TNFSF4: variants seen among roughly 807,000 people sequenced by gnomAD.
The protein encoded by TNFSF4 is tumor necrosis factor ligand superfamily member 4.
Under a neutral mutation model 7.3 loss-of-function variants are expected in TNFSF4, and 4 were observed. The observed-to-expected ratio is 0.55, with a 90% CI of 0.27 to 1.25. The LOEUF (loss-of-function observed/expected upper bound fraction) is 1.25, where lower values mean the gene tolerates loss of function less well. Ranked by LOEUF, TNFSF4 falls within the 50% of genes most tolerant of loss-of-function variation. The pLI, the probability that TNFSF4 is intolerant of heterozygous loss-of-function variation, is 0.12. For synonymous variants in TNFSF4, 76 were observed against 83.7 expected, an observed-to-expected ratio of 0.91 and a Z score of 0.50; for missense variants, 181 against 208.8, an observed-to-expected ratio of 0.87 and a Z score of 0.82.
At chr1:173,250,039 A>G in the TNFSF4 span, among the ~76,000 whole-genome samples, 1 of 152,206 alleles carries the variant, frequency 6.6e-6, no homozygotes, top group African/African-American at 2.4e-5. Flanking sequence ...AAAGTTCCTG[A>G]ACCTCTTAAA....
At chr1:173,302,060 G>A in the TNFSF4 span, among the ~76,000 whole-genome samples, 4 of 151,738 alleles carry the variant, frequency 2.6e-5, no homozygotes, top group Admixed American at 1.3e-4. Context: ...CTTTTTAAAC[G>A]GCCTTTAATA....
chr1:173,391,499 C>T, the TNFSF4 span, among the ~76,000 whole-genome samples: 1 of 144,520 alleles, frequency 6.9e-6, no homozygotes, highest in Non-Finnish European at 1.5e-5. Flanking sequence ...CCTATATTCT[C>T]AAGACTAGTT....
At chr1:173,439,119 T>A in the TNFSF4 span, among the ~76,000 whole-genome samples, 1 of 152,194 alleles carries the variant, frequency 6.6e-6, no homozygotes, top group Non-Finnish European at 1.5e-5. Flanking sequence ...GCAGATCCAG[T>A]CCTGGAGGAG....
the TNFSF4 span, among the ~76,000 whole-genome samples, chr1:173,446,457 T>C: frequency 6.6e-6 from 1 of 152,198 alleles, no homozygotes; most frequent in Non-Finnish European, 1.5e-5. Context: ...AGTAAGTGAA[T>C]GAATAAATAA....
the TNFSF4 span, among the ~76,000 whole-genome samples, chr1:173,421,673 T>TG: frequency 3.1e-3 from 475 of 151,726 alleles, 1 homozygote; most frequent in African/African-American, 0.011. Flanking sequence ...TTATCGTTTC[T>TG]GGAAAAAAAA....
the TNFSF4 span, among the ~76,000 whole-genome samples, chr1:173,232,142 G>A: frequency 3.9e-5 from 6 of 152,098 alleles, 1 homozygote; most frequent in East Asian, 7.7e-4. Flanking sequence ...CTTTTACTTC[G>A]TTGAGCAGTG....
chr1:173,224,874 C>T, the TNFSF4 span, among the ~76,000 whole-genome samples: 2 of 152,212 alleles, frequency 1.3e-5, no homozygotes, highest in Non-Finnish European at 2.9e-5. Context: ...CCTGTCCTCC[C>T]TCCACCTAGA....
At chr1:173,215,050 A>G in the TNFSF4 span, among the ~76,000 whole-genome samples, 1 of 152,054 alleles carries the variant, frequency 6.6e-6, no homozygotes, top group Non-Finnish European at 1.5e-5. Context: ...GTATTTGGAG[A>G]TGGAGCCTTT....
At chr1:173,183,268 A>AAAGCTGGG (rs1241214715), downstream of TNFSF4, among the ~76,000 whole-genome samples, 1 of 152,134 alleles carries the variant, frequency 6.6e-6, no homozygotes, top group Non-Finnish European at 1.5e-5. Flanking sequence ...TGAGGTCAAA[A>AAAGCTGGG]AAGCTGGGGA....
the TNFSF4 span, among the ~76,000 whole-genome samples, chr1:173,316,970 G>A: frequency 6.6e-6 from 1 of 152,124 alleles, no homozygotes; most frequent in African/African-American, 2.4e-5. Flanking sequence ...CTCATTGACA[G>A]TCCCATCTCT....
chr1:173,395,508 A>G, the TNFSF4 span, among the ~76,000 whole-genome samples: 13 of 149,058 alleles, frequency 8.7e-5, no homozygotes, highest in African/African-American at 3.2e-4. Context: ...AAAATGGTGT[A>G]AGAAAAGGAT....
At chr1:173,236,521 A>G in the TNFSF4 span, among the ~76,000 whole-genome samples, 2 of 152,010 alleles carry the variant, frequency 1.3e-5, no homozygotes, top group African/African-American at 2.4e-5. Context: ...GTATACCCCC[A>G]TGTTTATTGT....
chr1:173,354,523 C>T, the TNFSF4 span, among the ~76,000 whole-genome samples: 1 of 152,216 alleles, frequency 6.6e-6, no homozygotes, highest in South Asian at 2.1e-4. Flanking sequence ...CAAAACCTGG[C>T]AGAGATACAA....
the TNFSF4 span, among the ~76,000 whole-genome samples, chr1:173,438,452 AGT>A: frequency 2.8e-4 from 42 of 152,308 alleles, no homozygotes; most frequent in Admixed American, 6.5e-4. Flanking sequence ...GTAGATTTAA[AGT>A]GTACTTCTTT....
chr1:173,364,731 T>C, the TNFSF4 span, among the ~76,000 whole-genome samples: 1 of 152,086 alleles, frequency 6.6e-6, no homozygotes, highest in African/African-American at 2.4e-5. Context: ...TCTCCCACTC[T>C]ACAACAAATA....
At chr1:173,326,105 C>T in the TNFSF4 span, among the ~76,000 whole-genome samples, 1 of 152,086 alleles carries the variant, frequency 6.6e-6, no homozygotes, top group African/African-American at 2.4e-5. Flanking sequence ...AACATTGATG[C>T]AAAAATCCTC....
At chr1:173,349,729 C>T in the TNFSF4 span, among the ~76,000 whole-genome samples, 214 of 152,206 alleles carry the variant, frequency 1.4e-3, no homozygotes, top group African/African-American at 4.9e-3. Context: ...ATTTATATTC[C>T]GGGATCCTCA....
At chr1:173,206,934 A>C in intron 1 of TNFSF4, 90 bp downstream of exon 1, 1 of 1,430,322 alleles carries the variant, frequency 7.0e-7, no homozygotes, top group South Asian at 1.5e-5. Context: ...CACTTTTGGC[A>C]TAAGATTATT....
chr1:173,359,934 G>A, the TNFSF4 span, among the ~76,000 whole-genome samples: 1 of 152,216 alleles, frequency 6.6e-6, no homozygotes, highest in Non-Finnish European at 1.5e-5. Context: ...CTCATTCTCT[G>A]CACACCAGTA....
Sources: allele counts gnomAD v4.1 joint callset (sites outside exome capture counted in the v4.1 genomes callset), GRCh38; gene constraint gnomAD v4.1.1; transcripts MANE v1.5; gene names NCBI Gene and HGNC (gene_info 2026-07-23, HGNC 2026-07-21).